The following DMD variants were observed in gnomAD, a reference collection of about 807,000 sequenced individuals.
The protein encoded by DMD is mutant dystrophin.
DMD carries 63 observed loss-of-function variants against 330.1 expected under a neutral mutation model. The ratio of observed to expected loss-of-function variants is 0.19; its 90% CI spans 0.16 to 0.24. DMD has a LOEUF of 0.24. DMD is among the 10% of genes least tolerant of loss of function. The probability of loss-of-function intolerance (pLI) is 1.00; values close to 1 mark genes in which losing one functional copy is unlikely to be tolerated. For synonymous variants in DMD, 1,223 were observed against 959.8 expected, an observed-to-expected ratio of 1.27 and a Z score of -5.07; for missense variants, 3,344 against 2,684.1, an observed-to-expected ratio of 1.25 and a Z score of -5.43.
At chrX:32,128,341 G>A (rs972652364) in intron 44 of DMD, among the ~76,000 whole-genome samples, 4 of 111,084 alleles carry the variant, frequency 3.6e-5, no homozygotes, top group Non-Finnish European at 7.6e-5. Context: ...CCAGTAAAAT[G>A]GCATTTCAAA....
chrX:32,729,852 T>C (rs1342674141), intron 7 of DMD, among the ~76,000 whole-genome samples: 1 of 112,166 alleles, frequency 8.9e-6, no homozygotes, highest in African/African-American at 3.2e-5. Context: ...CCATTCACCA[T>C]AGTACTGACT....
At position 33,290,464 on chromosome X, in the gene DMD, C is replaced by G. The variant is rs185974656; in HGVS notation, c.7+48795G>C. ...TAAAATCCAGAATGCTAAACACGAA[C>G]TATAGGATGCTGCATGAGGTAATCC... On this transcript the variant is annotated intron_variant, in intron 1 of 17. Coordinates refer to the DMD transcript ENST00000288447. Among the ~76,000 whole-genome samples, 201 of 111,602 alleles carry G rather than the reference C, an allele frequency of 1.8e-3. 2 individuals are homozygous for G. The highest frequency in any genetic ancestry group is 6.0e-3 in the African/African-American group (185 of 30,816).
intron 55 of DMD, among the ~76,000 whole-genome samples, chrX:31,606,271 A>G (rs1484813107): frequency 2.7e-5 from 3 of 111,789 alleles, no homozygotes; most frequent in Non-Finnish European, 5.6e-5. Context: ...GAAATTACCC[A>G]GTCTCGGGCA....
intron 1 of DMD, among the ~76,000 whole-genome samples, chrX:33,291,218 A>C (rs1045898492): frequency 5.4e-5 from 6 of 111,847 alleles, no homozygotes; most frequent in African/African-American, 1.9e-4. Flanking sequence ...CTTCATGCTA[A>C]AAACTCTTAA....
At chrX:31,611,601 G>T (rs1272003206) in intron 55 of DMD, among the ~76,000 whole-genome samples, 1 of 110,938 alleles carries the variant, frequency 9.0e-6, no homozygotes, top group Non-Finnish European at 1.9e-5. Flanking sequence ...TTTTTGATTT[G>T]GGATCTTGAC....
chrX:31,438,172 T>G (rs1440736089), intron 60 of DMD, among the ~76,000 whole-genome samples: 1 of 111,708 alleles, frequency 9.0e-6, no homozygotes, highest in Non-Finnish European at 1.9e-5. Flanking sequence ...CTGCAGCACT[T>G]GAACACTCCT....
chrX:32,725,603 T>C (rs1451290767), intron 7 of DMD, among the ~76,000 whole-genome samples: 1 of 110,564 alleles, frequency 9.0e-6, no homozygotes, highest in Non-Finnish European at 1.9e-5. Context: ...TGCAAATATT[T>C]AGGCACCCAA....
At position 31,149,253 on chromosome X, in the gene DMD, C is replaced by T. The variant is rs146502716; in HGVS notation, c.10554-1735G>A. Among the ~76,000 whole-genome samples, 396 of 111,855 alleles carry T rather than the reference C, an allele frequency of 3.5e-3. 4 individuals are homozygous for T. The highest frequency in any genetic ancestry group is 0.012 in the African/African-American group (370 of 30,777). On this transcript the variant is annotated intron_variant, in intron 74 of 78. Coordinates refer to ENST00000357033, the MANE Select transcript of DMD (RefSeq NM_004006.3). ...TCCCACTGATCTCTAACGATGCTTCCGCAAAACATCAAGTGTCCATAAATA... is the reference window on the plus strand; with the variant it reads ...TCCCACTGATCTCTAACGATGCTTCTGCAAAACATCAAGTGTCCATAAATA...
intron 55 of DMD, chrX:31,508,434 C>T (rs1430887262): frequency 1.1e-5 from 4 of 354,209 alleles, no homozygotes; most frequent in Admixed American, 4.9e-5. Flanking sequence ...AGTAGCCAGG[C>T]GTGTGGATGT....
chrX:31,324,274 G>A (rs1399864824), intron 61 of DMD, among the ~76,000 whole-genome samples: 2 of 111,239 alleles, frequency 1.8e-5, no homozygotes, highest in African/African-American at 6.5e-5. Context: ...TGATATCAGA[G>A]CGTAATAAGA....
intron 72 of DMD, 58 bp downstream of exon 72, chrX:31,173,481 G>C: frequency 8.8e-7 from 1 of 1,130,967 alleles, no homozygotes. Flanking sequence ...TCATAGGTTA[G>C]CTTTCCTTGG....
intron 17 of DMD, among the ~76,000 whole-genome samples, chrX:32,520,839 C>T: frequency 9.7e-6 from 1 of 103,037 alleles, no homozygotes; most frequent in South Asian, 4.5e-4. Flanking sequence ...TAGCATCCTG[C>T]CATACTTTTT....
chrX:31,472,639 T>G (rs778504561), intron 59 of DMD, among the ~76,000 whole-genome samples: 1 of 112,311 alleles, frequency 8.9e-6, no homozygotes, highest in African/African-American at 3.2e-5. Flanking sequence ...GGACTGAGGA[T>G]GGTAAGCCTA....
rs766542437 is a variant in DMD at position 31,524,755 on chromosome X, G to C, written c.8218-17302C>G. ...AGCACGGAAGTGAACACTAACAAAC[G>C]GACAGGTGAAAGCTGAAAGGATGTG... is the stretch of plus-strand genomic sequence containing the variant. On this transcript the variant is annotated intron_variant, in intron 55 of 78. Coordinates refer to ENST00000357033, the MANE Select transcript of DMD (RefSeq NM_004006.3). Among the ~76,000 whole-genome samples the C allele has an allele frequency of 8.5e-4, 95 of 111,792 alleles. 1 individual carries two copies. The highest frequency in any genetic ancestry group is 3.0e-3 in the African/African-American group (91 of 30,795).
At chrX:32,545,819 T>G (rs1158384468) in intron 16 of DMD, among the ~76,000 whole-genome samples, 1 of 111,381 alleles carries the variant, frequency 9.0e-6, no homozygotes, top group African/African-American at 3.3e-5. Flanking sequence ...AATAAAATTA[T>G]TTCAACTTGG....
At chrX:31,648,001 A>G (rs1456407614) in intron 54 of DMD, among the ~76,000 whole-genome samples, 4 of 112,281 alleles carry the variant, frequency 3.6e-5, no homozygotes, top group Non-Finnish European at 7.5e-5. Context: ...GTCACTATGT[A>G]CTTCAAGAAA....
At chrX:32,670,748 G>C (rs1006660948) in intron 9 of DMD, among the ~76,000 whole-genome samples, 1 of 112,151 alleles carries the variant, frequency 8.9e-6, no homozygotes, top group Non-Finnish European at 1.9e-5. Flanking sequence ...TTTATTTTTA[G>C]TAAAGATTCA....
chrX:32,759,132 GC>G (rs919154303), intron 7 of DMD, among the ~76,000 whole-genome samples: 1 of 111,512 alleles, frequency 9.0e-6, no homozygotes, highest in Admixed American at 9.5e-5. Flanking sequence ...TATTTCTACA[GC>G]ATTCATACAC....
chrX:32,322,182 A>C (rs953638607), intron 41 of DMD, among the ~76,000 whole-genome samples: 3 of 111,734 alleles, frequency 2.7e-5, no homozygotes, highest in Non-Finnish European at 3.8e-5. Context: ...AAGATTTGTA[A>C]TAATTAAAAC....
Sources: allele counts gnomAD v4.1 joint callset (sites outside exome capture counted in the v4.1 genomes callset), GRCh38; gene constraint gnomAD v4.1.1; transcripts MANE v1.5; gene names NCBI Gene and HGNC (gene_info 2026-07-23, HGNC 2026-07-21).